TAOK3: variants seen among roughly 807,000 people sequenced by gnomAD.
The protein encoded by TAOK3 is TAO kinase 3, also known as serine/threonine-protein kinase TAO3.
In TAOK3, 40 loss-of-function variants were observed where a neutral mutation model predicts 120.4. The observed-to-expected ratio is 0.33, with a 90% CI of 0.26 to 0.43. The LOEUF (loss-of-function observed/expected upper bound fraction) is 0.43. TAOK3 is among the 20% of genes least tolerant of loss of function. The pLI, the probability that TAOK3 is intolerant of heterozygous loss-of-function variation, is 1.00. For missense variants in TAOK3, 821 were observed against 1,112.1 expected, an observed-to-expected ratio of 0.74 and a Z score of 3.72; for synonymous variants, 355 against 387.5, an observed-to-expected ratio of 0.92 and a Z score of 0.99.
At chr12:118,198,069 T>C (rs1275363896) in intron 13 of TAOK3, among the ~76,000 whole-genome samples, 3 of 152,176 alleles carry the variant, frequency 2.0e-5, no homozygotes, top group African/African-American at 7.2e-5. Flanking sequence ...ACATCTTTGC[T>C]TTCCTCAAAT....
At position 118,252,015 on chromosome 12, in the gene TAOK3, G is replaced by T. The variant is rs939345957; in HGVS notation, c.120+3433C>A. 2.0e-5 allele frequency among the ~76,000 whole-genome samples: 3 copies of T among 151,958 alleles called. No individual in the cohort carries two copies. In the East Asian group the frequency reaches 5.8e-4, roughly 29 times the overall value. ...TTTTTGTATTTTTAGTAGAGATGGG[G>T]TTTCACCATGTTAGCCAGGATGGTC... On this transcript the variant is annotated intron_variant, in intron 3 of 20. Transcript: ENST00000392533.
At chr12:118,351,887 T>A (rs901993462) in intron 1 of TAOK3, among the ~76,000 whole-genome samples, 7 of 144,558 alleles carry the variant, frequency 4.8e-5, no homozygotes, top group Non-Finnish European at 1.1e-4. Flanking sequence ...TTTTTTTTTT[T>A]TTTAGTGGCG....
At chr12:118,213,063 A>G (rs1224621339) in intron 10 of TAOK3, 68 bp from the exon 11 acceptor site, 2 of 999,468 alleles carry the variant, frequency 2.0e-6, no homozygotes, top group African/African-American at 3.3e-5. Flanking sequence ...ACTTAAAACA[A>G]TTTTCATTCA....
chr12:118,261,635 A>AAC (rs911509707), intron 2 of TAOK3: 31 of 152,206 alleles, frequency 2.0e-4, no homozygotes, highest in African/African-American at 7.5e-4. Flanking sequence ...CTCTCTTTAC[A>AAC]ACACCAAACC....
intron 1 of TAOK3, among the ~76,000 whole-genome samples, chr12:118,332,820 T>C (rs1438707295): frequency 6.6e-6 from 1 of 152,220 alleles, no homozygotes; most frequent in Non-Finnish European, 1.5e-5. Flanking sequence ...CTTAAAAATA[T>C]AGATACTCGA....
chr12:118,235,392 C>A (rs1399779046), intron 8 of TAOK3, among the ~76,000 whole-genome samples, 166 bp downstream of exon 8: 1 of 152,142 alleles, frequency 6.6e-6, no homozygotes, highest in Admixed American at 6.6e-5. Context: ...TATACAAAGC[C>A]AGAGTGTTTC....
intron 1 of TAOK3, among the ~76,000 whole-genome samples, chr12:118,299,812 T>G (rs1030129509): frequency 2.0e-5 from 3 of 152,160 alleles, no homozygotes; most frequent in African/African-American, 7.2e-5. Context: ...GCCCAGCCAC[T>G]AAAGGTTATT....
intron 3 of TAOK3, among the ~76,000 whole-genome samples, chr12:118,254,642 T>C (rs2040901348): frequency 6.6e-6 from 1 of 152,076 alleles, no homozygotes; most frequent in Non-Finnish European, 1.5e-5. Context: ...CGGACAGGCA[T>C]GGGGATGTAA....
At chr12:118,321,944 A>G (rs1377646815) in intron 1 of TAOK3, among the ~76,000 whole-genome samples, 1 of 152,184 alleles carries the variant, frequency 6.6e-6, no homozygotes, top group Non-Finnish European at 1.5e-5. Flanking sequence ...AACCAACCCA[A>G]AAAATCCAGG....
At chr12:118,351,869 T>G (rs2141228054) in intron 1 of TAOK3, among the ~76,000 whole-genome samples, 1 of 131,406 alleles carries the variant, frequency 7.6e-6, no homozygotes, top group African/African-American at 3.2e-5. Context: ...TAGTTCTTTT[T>G]TTTTTTTTTT....
chr12:118,168,308 T>G lies in TAOK3; in HGVS notation c.1899+4149A>C, dbSNP rs888794065. ...AATGTTGTATTACATGCTTGTAATT[T>G]GCTAAGAGGACAAGTCCTAAATTAA... On this transcript the variant is annotated intron_variant, in intron 17 of 20. Coordinates refer to ENST00000392533, the MANE Select transcript of TAOK3 (RefSeq NM_016281.4). 3.3e-5 allele frequency among the ~76,000 whole-genome samples: 5 copies of G among 152,328 alleles called. No individual in the cohort carries two copies. In the East Asian group the frequency reaches 9.6e-4, roughly 29 times the overall value.
At chr12:118,204,573 C>T (rs2038196905) in intron 11 of TAOK3, among the ~76,000 whole-genome samples, 1 of 152,158 alleles carries the variant, frequency 6.6e-6, no homozygotes, top group African/African-American at 2.4e-5. Context: ...TTCCCAGAAG[C>T]AAGTGTAGCC....
intron 13 of TAOK3, among the ~76,000 whole-genome samples, chr12:118,193,648 T>G (rs1020017159): frequency 6.7e-6 from 1 of 149,516 alleles, no homozygotes; most frequent in African/African-American, 2.5e-5. Context: ...GGGGTCTCAC[T>G]ATGTTGCCCA....
chr12:118,201,250 C>T (rs761836609), intron 12 of TAOK3, 46 bp downstream of exon 12: 14 of 1,548,760 alleles, frequency 9.0e-6, no homozygotes, highest in Middle Eastern at 2.3e-4. Context: ...AACTTTTTCA[C>T]ATAGTGGGCA....
rs555693966 is a variant in TAOK3, at chr12:118,325,714, G to A, written c.-194+46934C>T. ...ATTTTCTTTGAGATAGAGTCTCGCT[G>A]TCTCGCCCAGGCTGGAGTGCAGTAG... is the stretch of plus-strand genomic sequence containing the variant. On this transcript the variant is annotated intron_variant, in intron 1 of 20. Transcript: ENST00000392533. Among the ~76,000 whole-genome samples the A allele has an allele frequency of 2.0e-5, 3 of 152,080 alleles. No individual in the cohort carries two copies. In the East Asian group the frequency reaches 5.8e-4, roughly 29 times the overall value.
chr12:118,264,879 C>A (rs899524643), intron 2 of TAOK3, among the ~76,000 whole-genome samples: 1 of 151,020 alleles, frequency 6.6e-6, no homozygotes, highest in African/African-American at 2.4e-5. Context: ...ACTAAAAACA[C>A]AAAAATCAGC....
intron 1 of TAOK3, among the ~76,000 whole-genome samples, chr12:118,362,029 C>T (rs2045615068): frequency 6.6e-6 from 1 of 152,058 alleles, no homozygotes; most frequent in South Asian, 2.1e-4. Flanking sequence ...CTGGAGACTT[C>T]CTTATTTTTA....
intron 1 of TAOK3, among the ~76,000 whole-genome samples, chr12:118,298,078 C>A (rs2042748338): frequency 6.6e-6 from 1 of 152,086 alleles, no homozygotes; most frequent in African/African-American, 2.4e-5. Flanking sequence ...TCATGCCTAG[C>A]CACAATTTCT....
At chr12:118,187,603 T>C (rs1036817764) in intron 14 of TAOK3, among the ~76,000 whole-genome samples, 1 of 152,080 alleles carries the variant, frequency 6.6e-6, no homozygotes, top group East Asian at 1.9e-4. Flanking sequence ...TCCATTTTTT[T>C]TCCCCTCCCT....
Sources: allele counts gnomAD v4.1 joint callset (sites outside exome capture counted in the v4.1 genomes callset), GRCh38; gene constraint gnomAD v4.1.1; transcripts MANE v1.5; gene names NCBI Gene and HGNC (gene_info 2026-07-23, HGNC 2026-07-21).